The following KCNMB2 variants were observed in gnomAD, a reference collection of about 807,000 sequenced individuals.
The protein encoded by KCNMB2 is calcium-activated potassium channel subunit beta-2.
In KCNMB2, 9 loss-of-function variants were observed where a neutral mutation model predicts 24.5. The observed-to-expected ratio is 0.37, with a 90% CI of 0.22 to 0.64. KCNMB2 has a LOEUF of 0.64. Ranked by LOEUF, KCNMB2 falls within the 30% of genes least tolerant of loss-of-function variation. KCNMB2 has a pLI of 0.63. For missense variants in KCNMB2, 226 were observed against 284.3 expected (o/e 0.79, Z 1.47); for synonymous variants, 109 against 104.4 (o/e 1.04, Z -0.27).
intron 1 of KCNMB2, among the ~76,000 whole-genome samples, chr3:178,742,157 A>T (rs1723515552): frequency 6.6e-6 from 1 of 152,252 alleles, no homozygotes; most frequent in South Asian, 2.1e-4. Flanking sequence ...CATGTATTTC[A>T]TGGAGTAGAG....
chr3:178,664,093 C>T (rs1296070656), intron 1 of KCNMB2, among the ~76,000 whole-genome samples: 1 of 152,098 alleles, frequency 6.6e-6, no homozygotes, highest in African/African-American at 2.4e-5. Context: ...TTACATAGCA[C>T]TTTTACCTCC....
intron 1 of KCNMB2, among the ~76,000 whole-genome samples, chr3:178,578,096 A>G (rs1292457915): frequency 6.6e-6 from 1 of 152,212 alleles, no homozygotes; most frequent in Non-Finnish European, 1.5e-5. Context: ...CAAGGTTAAA[A>G]TGAAGGAGAA....
intron 2 of KCNMB2, among the ~76,000 whole-genome samples, chr3:178,814,123 G>C (rs1215885044): frequency 6.6e-6 from 1 of 152,058 alleles, no homozygotes; most frequent in Admixed American, 6.6e-5. Context: ...GTACCCAATA[G>C]GTAGTTTTTC....
intron 1 of KCNMB2, among the ~76,000 whole-genome samples, chr3:178,664,368 CA>C (rs1720641455): frequency 6.6e-6 from 1 of 152,096 alleles, no homozygotes; most frequent in African/African-American, 2.4e-5. Context: ...GAGGCTTTTA[CA>C]GTAATCTGGG....
chr3:178,568,850 TAGATGATAGATAGATA>T (rs1300163861), intron 1 of KCNMB2, among the ~76,000 whole-genome samples: 22 of 108,134 alleles, frequency 2.0e-4, no homozygotes, highest in East Asian at 7.6e-4. Flanking sequence ...GATAGATAGA[TAGATGATAGATAGATA>T]GATAGATAGA....
In KCNMB2 at chr3:178,645,675, G is replaced by A. The variant is rs577815979; in HGVS notation, c.-68+108964G>A. Among the ~76,000 whole-genome samples, 8 of 152,054 alleles carry A rather than the reference G, an allele frequency of 5.3e-5. No individual in the cohort carries two copies. In the East Asian group the frequency reaches 5.8e-4, roughly 11 times the overall value. ...CTGGATCAGTGTTAGTGGCACTTCCGTTCTGCCAACCCAGCCACAGAGCCG... is the reference window on the plus strand; with the variant it reads ...CTGGATCAGTGTTAGTGGCACTTCCATTCTGCCAACCCAGCCACAGAGCCG... On this transcript the variant is annotated intron_variant, in intron 1 of 4. Transcript: ENST00000452583.
At chr3:178,697,360 C>T (rs928206621) in intron 1 of KCNMB2, among the ~76,000 whole-genome samples, 4 of 152,042 alleles carry the variant, frequency 2.6e-5, no homozygotes, top group South Asian at 2.1e-4. Flanking sequence ...TTATGTAATG[C>T]CCTTTTTGGT....
chr3:178,538,060 T>C (rs1715467032), intron 1 of KCNMB2, among the ~76,000 whole-genome samples: 1 of 152,246 alleles, frequency 6.6e-6, no homozygotes, highest in Non-Finnish European at 1.5e-5. Context: ...TGCTCTTCTC[T>C]GATGCAGTTG....
chr3:178,546,256 TTTCC>T (rs1157635927), intron 1 of KCNMB2, among the ~76,000 whole-genome samples: 1 of 152,214 alleles, frequency 6.6e-6, no homozygotes, highest in African/African-American at 2.4e-5. Flanking sequence ...TCTAGGTCTA[TTTCC>T]CCATTGACAC....
At chr3:178,758,688 ATC>A (rs1275026600) in intron 1 of KCNMB2, among the ~76,000 whole-genome samples, 8 of 21,842 alleles carry the variant, frequency 3.7e-4, no homozygotes, top group African/African-American at 6.3e-4. Flanking sequence ...ATATATATAT[ATC>A]TCTCTCTCTA....
intron 1 of KCNMB2, among the ~76,000 whole-genome samples, chr3:178,623,212 C>G (rs1718983876): frequency 6.6e-6 from 1 of 152,182 alleles, no homozygotes; most frequent in African/African-American, 2.4e-5. Context: ...CAGCAGTATC[C>G]AACTGCCTGG....
At chr3:178,651,102 A>G (rs1339302026) in intron 1 of KCNMB2, among the ~76,000 whole-genome samples, 1 of 152,214 alleles carries the variant, frequency 6.6e-6, no homozygotes, top group Middle Eastern at 3.2e-3. Context: ...TCAAATAGGA[A>G]GAGAGGAAGT....
intron 1 of KCNMB2, among the ~76,000 whole-genome samples, chr3:178,756,702 A>G (rs1458688198): frequency 1.3e-5 from 2 of 152,050 alleles, no homozygotes; most frequent in African/African-American, 4.8e-5. Context: ...GGCACTACTG[A>G]TGCTACTTTA....
intron 1 of KCNMB2, among the ~76,000 whole-genome samples, chr3:178,631,423 C>G (rs1463176766): frequency 6.6e-6 from 1 of 152,206 alleles, no homozygotes; most frequent in Non-Finnish European, 1.5e-5. Context: ...AATAAAAGGA[C>G]ATGAATGCAT....
At chr3:178,621,804 C>G (rs1354750551) in intron 1 of KCNMB2, among the ~76,000 whole-genome samples, 1 of 152,138 alleles carries the variant, frequency 6.6e-6, no homozygotes, top group Non-Finnish European at 1.5e-5. Context: ...GAAGGGAACT[C>G]AAGATCAGAA....
chr3:178,550,621 T>A (rs1715920171), intron 1 of KCNMB2, among the ~76,000 whole-genome samples: 1 of 152,160 alleles, frequency 6.6e-6, no homozygotes, highest in South Asian at 2.1e-4. Flanking sequence ...CTTTGGATAT[T>A]TTAATAGACA....
At chr3:178,615,773 G>C (rs1012461399) in intron 1 of KCNMB2, among the ~76,000 whole-genome samples, 1 of 152,196 alleles carries the variant, frequency 6.6e-6, no homozygotes, top group Non-Finnish European at 1.5e-5. Context: ...GCCTCACTGT[G>C]GTTGTGCTGG....
intron 1 of KCNMB2, among the ~76,000 whole-genome samples, chr3:178,658,931 C>T (rs912706565): frequency 6.6e-6 from 1 of 152,172 alleles, no homozygotes; most frequent in African/African-American, 2.4e-5. Context: ...ACTTGAGAGA[C>T]AGCTCCCACC....
intron 1 of KCNMB2, among the ~76,000 whole-genome samples, chr3:178,705,363 T>A (rs1402836014): frequency 2.0e-5 from 3 of 152,154 alleles, no homozygotes; most frequent in Non-Finnish European, 2.9e-5. Flanking sequence ...GTGCAGCAGC[T>A]TCTTGGGGGT....
Sources: allele counts gnomAD v4.1 joint callset (sites outside exome capture counted in the v4.1 genomes callset), GRCh38; gene constraint gnomAD v4.1.1; transcripts MANE v1.5; gene names NCBI Gene and HGNC (gene_info 2026-07-23, HGNC 2026-07-21).